The following AFF1 variants were observed in gnomAD, a reference collection of about 807,000 sequenced individuals.
AFF1 encodes AF4/FMR2 family member 1.
Under a neutral mutation model 121.7 loss-of-function variants are expected in AFF1, and 48 were observed. The observed-to-expected ratio is 0.39, with a 90% CI of 0.31 to 0.50. AFF1 has a LOEUF of 0.50. Ranked by LOEUF, AFF1 falls within the 20% of genes least tolerant of loss-of-function variation. AFF1 has a pLI of 0.76. For missense variants in AFF1, 1,523 were observed against 1,511.7 expected (o/e 1.01, Z -0.12); for synonymous variants, 613 against 563.0 (o/e 1.09, Z -1.26).
chr4:87,016,499 C>T (rs340651), intron 2 of AFF1, among the ~76,000 whole-genome samples: 95,132 of 149,916 alleles, frequency 0.63, 32,973 homozygotes, highest in South Asian at 0.8. Context: ...TTGCAGTGAG[C>T]GGAGATTGCG....
intron 4 of AFF1, among the ~76,000 whole-genome samples, chr4:87,075,358 TTA>T (rs1364145383): frequency 6.6e-6 from 1 of 152,156 alleles, no homozygotes; most frequent in East Asian, 1.9e-4. Flanking sequence ...ATATATTCAC[TTA>T]TATGTACACA....
intron 2 of AFF1, among the ~76,000 whole-genome samples, chr4:86,974,628 A>G (rs143995504): frequency 5.3e-5 from 8 of 152,344 alleles, no homozygotes; most frequent in African/African-American, 1.9e-4. Flanking sequence ...AATGCCATCC[A>G]AAATTGCTAA....
intron 2 of AFF1, among the ~76,000 whole-genome samples, chr4:87,016,160 G>C (rs1014237459): frequency 6.6e-6 from 1 of 152,168 alleles, no homozygotes; most frequent in South Asian, 2.1e-4. Flanking sequence ...CAGCCTGGGC[G>C]ATCTTTTGGT....
chr4:86,995,966 G>GT (rs1725141773), intron 2 of AFF1, among the ~76,000 whole-genome samples: 1 of 108,290 alleles, frequency 9.2e-6, no homozygotes, highest in African/African-American at 2.9e-5. Flanking sequence ...CGGCCGCCCC[G>GT]TCTGAGAAGT....
chr4:87,108,539 G>A (rs1192818110), intron 11 of AFF1, among the ~76,000 whole-genome samples: 2 of 152,148 alleles, frequency 1.3e-5, no homozygotes, highest in Non-Finnish European at 2.9e-5. Context: ...TCTCTCCCCT[G>A]TTGAAAATGA....
chr4:87,037,619 G>T (rs575311290), intron 2 of AFF1, among the ~76,000 whole-genome samples: 4 of 152,104 alleles, frequency 2.6e-5, no homozygotes, highest in African/African-American at 9.6e-5. Context: ...GGCCCTGCTT[G>T]GTAGGTTTTT....
At chr4:87,116,483 A>T (rs1727135100) in intron 12 of AFF1, among the ~76,000 whole-genome samples, 1 of 152,216 alleles carries the variant, frequency 6.6e-6, no homozygotes, top group Admixed American at 6.5e-5. Flanking sequence ...AGAAGGAATA[A>T]AATTTTTAAC....
intron 2 of AFF1, among the ~76,000 whole-genome samples, chr4:87,010,274 A>C (rs1308912810): frequency 1.3e-5 from 2 of 152,216 alleles, no homozygotes; most frequent in Non-Finnish European, 2.9e-5. Context: ...AATGCTTTTA[A>C]AATTTAGATT....
intron 4 of AFF1, among the ~76,000 whole-genome samples, chr4:87,067,848 A>AGTCATTG (rs2149669066): frequency 6.6e-6 from 1 of 152,372 alleles, no homozygotes; most frequent in African/African-American, 2.4e-5. Context: ...TTGGATGCAC[A>AGTCATTG]GAGCATGGTT....
chr4:87,002,402 T>C (rs534350614), intron 2 of AFF1, among the ~76,000 whole-genome samples: 1 of 150,484 alleles, frequency 6.6e-6, no homozygotes, highest in South Asian at 2.1e-4. Flanking sequence ...GGTCAACTCT[T>C]AAGTTGTTAA....
At chr4:87,099,870 G>A (rs549836114) in intron 8 of AFF1, among the ~76,000 whole-genome samples, 22 of 152,302 alleles carry the variant, frequency 1.4e-4, no homozygotes, top group Admixed American at 2.6e-4. Context: ...TACACTTCAG[G>A]GAAAAGAGGG....
chr4:86,999,892 G>C (rs892358031), intron 2 of AFF1, among the ~76,000 whole-genome samples: 1 of 152,156 alleles, frequency 6.6e-6, no homozygotes, highest in Non-Finnish European at 1.5e-5. Flanking sequence ...TGTATTGGGA[G>C]AAATGCCTTG....
At chr4:87,013,029 G>GTTTTTTTTTTTT (rs1560539145) in intron 2 of AFF1, among the ~76,000 whole-genome samples, 3 of 84,316 alleles carry the variant, frequency 3.6e-5, no homozygotes, top group Non-Finnish European at 4.1e-5. Context: ...CTGCTATCAA[G>GTTTTTTTTTTTT]TTCTTTTTTT....
Position 87,126,094 on chromosome 4 carries a change from T to G in AFF1, c.2574-5T>G. On this transcript the variant is annotated splice_region_variant and splice_polypyrimidine_tract_variant and intron_variant, in intron 13 of 20. Transcript: ENST00000395146. ...CTCTTAGTTTTACGTGATGTTTCAC[T>G]CCAGGCCCTCCAGGCCCTCCTCACA... is the stretch of plus-strand genomic sequence containing the variant. 1 of 1,613,552 alleles carries G rather than the reference T, an allele frequency of 6.2e-7. No homozygotes were observed. Among genetic ancestry groups the G allele is most frequent in the Non-Finnish European group, 8.5e-7 (1 of 1,179,516 alleles).
chr4:87,007,341 C>T (rs915733574), intron 2 of AFF1: 5 of 1,609,872 alleles, frequency 3.1e-6, no homozygotes, highest in Non-Finnish European at 4.2e-6. Context: ...GAGCGCGGCG[C>T]TGGCAGCAGG....
chr4:87,126,295 A>G lies in AFF1; in HGVS notation c.2770A>G (p.Arg924Gly), dbSNP rs780261132. ...AGACTCTTCCATTCCCAAGCAGAGA[A>G]GAGTAGAGGGGAAGGGCTCCAGAAG... ...HKDSSIPKQR[R>G]VEGKGSRSSS... Residue 924 changes from arginine to glycine, a missense_variant, in exon 14 of 21, where the codon AGA becomes GGA. By Grantham distance (125) the Arg-to-Gly change is moderately radical. Around this residue, in one of 5 missense-constraint regions of AFF1, gnomAD observed 905 missense variants for 842.5 expected, o/e 1.07. Coordinates refer to ENST00000395146, the MANE Select transcript of AFF1 (RefSeq NM_001166693.3). The G allele has an allele frequency of 3.7e-6, 6 of 1,613,992 alleles. No individual in the cohort carries two copies. Among genetic ancestry groups the G allele is most frequent in the Non-Finnish European group, 8.5e-7 (1 of 1,180,026 alleles).
chr4:86,967,521 T>G (rs1722617824), intron 2 of AFF1, among the ~76,000 whole-genome samples: 1 of 152,142 alleles, frequency 6.6e-6, no homozygotes, highest in South Asian at 2.1e-4. Context: ...AGGTCGCTTG[T>G]CAAATGGAGA....
intron 2 of AFF1, among the ~76,000 whole-genome samples, chr4:87,028,729 T>TTA (rs1224391586): frequency 6.6e-6 from 1 of 152,204 alleles, no homozygotes; most frequent in Non-Finnish European, 1.5e-5. Context: ...TCATGTCCAT[T>TTA]TAAGACCTCC....
chr4:87,117,924 C>A (rs908222092), intron 12 of AFF1, among the ~76,000 whole-genome samples: 1 of 152,174 alleles, frequency 6.6e-6, no homozygotes, highest in African/African-American at 2.4e-5. Context: ...ACGGTTGCTC[C>A]AGCAGGCAGC....
Sources: allele counts gnomAD v4.1 joint callset (sites outside exome capture counted in the v4.1 genomes callset), GRCh38; gene constraint gnomAD v4.1.1; regional missense constraint gnomAD v4.1.1; transcripts MANE v1.5; gene names NCBI Gene and HGNC (gene_info 2026-07-23, HGNC 2026-07-21).